The following LPIN2 variants were observed in gnomAD, a reference collection of about 807,000 sequenced individuals.
The protein encoded by LPIN2 is phosphatidate phosphatase LPIN2.
A neutral mutation model predicts 111.4 loss-of-function variants in LPIN2; 55 were observed. The observed-to-expected ratio is 0.49, with a 90% CI of 0.40 to 0.62. LPIN2 has a LOEUF of 0.62. LPIN2 is among the 20% of genes least tolerant of loss of function. The pLI is 0.00. For synonymous variants in LPIN2, 425 were observed against 414.0 expected, an observed-to-expected ratio of 1.03 and a Z score of -0.32; for missense variants, 992 against 1,112.1, an observed-to-expected ratio of 0.89 and a Z score of 1.54.
chr18:2,956,727 A>C (rs2077622245), intron 2 of LPIN2, among the ~76,000 whole-genome samples: 6 of 152,242 alleles, frequency 3.9e-5, no homozygotes, highest in Admixed American at 3.3e-4. Flanking sequence ...TTCAGACTCT[A>C]AACTATTCAT....
chr18:2,951,195 A>G lies in LPIN2; in HGVS notation c.450T>C (p.Ser150=). The G allele has an allele frequency of 6.2e-7, 1 of 1,614,116 alleles. No homozygotes were observed. Among genetic ancestry groups the G allele is most frequent in the Non-Finnish European group, 8.5e-7 (1 of 1,180,024 alleles). ...TCCTTCGTTTTTTCTTTTTCACAGAACTTGGAGTAAAAATTGTCTCTGTTT... is the reference window on the plus strand; with the variant it reads ...TCCTTCGTTTTTTCTTTTTCACAGAGCTTGGAGTAAAAATTGTCTCTGTTT... ...VLETETIFTP[S]SVKKKKRRRK... Residue 150 remains serine, a synonymous_variant, in exon 4 of 20, where the codon AGT becomes AGC. Transcript: ENST00000677752.
chr18:2,970,061 T>C (rs934772116), intron 1 of LPIN2, among the ~76,000 whole-genome samples: 2 of 152,162 alleles, frequency 1.3e-5, no homozygotes, highest in Non-Finnish European at 2.9e-5. Flanking sequence ...AACTCAGAAA[T>C]TCTGGCCTGG....
intron 1 of LPIN2, among the ~76,000 whole-genome samples, chr18:2,986,826 G>C (rs1265176396): frequency 3.3e-5 from 5 of 152,200 alleles, no homozygotes; most frequent in African/African-American, 7.2e-5. Context: ...AAGCTGAACA[G>C]CCTAATTTAG....
intron 10 of LPIN2, among the ~76,000 whole-genome samples, 193 bp from the exon 11 acceptor site, chr18:2,928,853 C>A (rs2077173714): frequency 6.6e-6 from 1 of 152,174 alleles, no homozygotes; most frequent in Non-Finnish European, 1.5e-5. Flanking sequence ...AACAGAGAAG[C>A]CGTAAAATCT....
rs779616214 is a variant in LPIN2, at chr18:2,951,087, G to A, written c.558C>T (p.Ser186=). ...CCTGGGCCCCCTTGTCATCATCGGA[G>A]CTCACGCCTACATCACATGTGTCTT... ...AAEDTCDVGV[S]SDDDKGAQAA... is the part of the protein sequence containing the mutation. Residue 186 remains serine, a synonymous_variant, in exon 4 of 20, where the codon AGC becomes AGT. Coordinates refer to ENST00000677752, the MANE Select transcript of LPIN2 (RefSeq NM_001375808.2). 3.7e-6 allele frequency: 6 copies of A among 1,614,072 alleles called. No individual in the cohort carries two copies. The East Asian group carries it at 8.9e-5, about 24-fold the overall frequency.
intron 1 of LPIN2, among the ~76,000 whole-genome samples, chr18:2,985,650 A>G (rs1292203681): frequency 6.6e-6 from 1 of 152,226 alleles, no homozygotes; most frequent in Non-Finnish European, 1.5e-5. Flanking sequence ...TCCCATAAGT[A>G]TGTAAGACTA....
intron 9 of LPIN2, among the ~76,000 whole-genome samples, chr18:2,930,740 T>A (rs1469288130): frequency 1.3e-5 from 2 of 152,250 alleles, no homozygotes; most frequent in Non-Finnish European, 2.9e-5. Flanking sequence ...AACTCCCTCC[T>A]GATTCCTGAG....
intron 7 of LPIN2, among the ~76,000 whole-genome samples, chr18:2,937,283 C>A (rs558960288): frequency 6.6e-6 from 1 of 152,148 alleles, no homozygotes; most frequent in East Asian, 1.9e-4. Context: ...GTGGCTCACA[C>A]CTGTAATCCC....
In LPIN2 at chr18:2,917,957, A is replaced by G. The variant is rs2144096979; in HGVS notation, c.*2336T>C. On this transcript the variant is annotated 3_prime_UTR_variant, in exon 20 of 20. Coordinates refer to ENST00000677752, the MANE Select transcript of LPIN2 (RefSeq NM_001375808.2). ...AAGGGTTTGTGTACAAACACACTCGAGGGCATCTCTTTCACAGAAAGAACA... is the reference window on the plus strand; with the variant it reads ...AAGGGTTTGTGTACAAACACACTCGGGGGCATCTCTTTCACAGAAAGAACA... 6.6e-6 allele frequency: 1 copy of G among 152,324 alleles called. No individual in the cohort carries two copies. Among genetic ancestry groups the G allele is most frequent in the South Asian group, 2.1e-4 (1 of 4,822 alleles). 9.4% of individuals were successfully genotyped at this position (152,324 alleles called of 1,614,324 possible). A position where few individuals can be genotyped will look rare whatever the true frequency, so the allele number is the denominator to read the frequency against.
intron 2 of LPIN2, among the ~76,000 whole-genome samples, chr18:2,959,940 C>CG: frequency 6.6e-6 from 1 of 152,038 alleles, no homozygotes; most frequent in East Asian, 1.9e-4. Context: ...AGGCCGAAGC[C>CG]GGTGGATCAC....
At chr18:2,921,755 G>GT in intron 17 of LPIN2, 108 bp from the exon 18 acceptor site, 1 of 841,648 alleles carries the variant, frequency 1.2e-6, no homozygotes, top group Non-Finnish European at 2.0e-6. Context: ...TCAACCCTTT[G>GT]TAACTGGAAT....
chr18:2,973,319 G>A (rs66796084), intron 1 of LPIN2, among the ~76,000 whole-genome samples: 6,734 of 152,224 alleles, frequency 0.044, 180 homozygotes, highest in Middle Eastern at 0.092. Context: ...CAATCAGACT[G>A]CTCTCCAAAA....
chr18:2,984,969 T>A (rs2078166997), intron 1 of LPIN2: 1 of 152,582 alleles, frequency 6.6e-6, no homozygotes, highest in African/African-American at 2.4e-5. Context: ...GGTAGAATTC[T>A]GTTCAGCAAC....
At position 2,931,300 on chromosome 18, in the gene LPIN2, AG is replaced by A; in HGVS notation, c.1411del (p.Leu471SerfsTer35). 1 of 1,614,142 alleles carries A rather than the reference AG, an allele frequency of 6.2e-7. No homozygotes were observed. The highest frequency in any genetic ancestry group is 8.5e-7 in the Non-Finnish European group (1 of 1,180,040). On this transcript the variant is annotated frameshift_variant, in exon 9 of 20. Transcript: ENST00000677752. LOFTEE classifies it high-confidence loss of function. ...TTCACTGAGGCCCCCGCAAAGGGAG[AG>A]GGTAACGTCAGGCAAGTCCATGGCA... ...DSAMDLPDVT[L>X]SLCGGLSENG...
At chr18:2,965,775 A>C (rs1054800813) in intron 1 of LPIN2, among the ~76,000 whole-genome samples, 3 of 151,104 alleles carry the variant, frequency 2.0e-5, no homozygotes, top group Non-Finnish European at 4.4e-5. Context: ...TTCAAATACC[A>C]ATCCCCCTCC....
chr18:2,990,155 C>T (rs1037754313), intron 1 of LPIN2, among the ~76,000 whole-genome samples: 1 of 152,090 alleles, frequency 6.6e-6, no homozygotes, highest in African/African-American at 2.4e-5. Flanking sequence ...CTACTTTACA[C>T]CATATTAAAA....
chr18:3,011,647 A>T (rs2078605686), intron 1 of LPIN2: 1 of 152,246 alleles, frequency 6.6e-6, no homozygotes, highest in Non-Finnish European at 1.5e-5. Context: ...AGATCGCGCA[A>T]CTACACTCCA....
intron 1 of LPIN2, among the ~76,000 whole-genome samples, chr18:2,979,333 TATGTA>T (rs2078071050): frequency 6.6e-6 from 1 of 152,126 alleles, no homozygotes; most frequent in African/African-American, 2.4e-5. Context: ...GTATGCTGAG[TATGTA>T]ATCAGGACCA....
chr18:2,975,571 T>C (rs1465203107), intron 1 of LPIN2, among the ~76,000 whole-genome samples: 1 of 152,194 alleles, frequency 6.6e-6, no homozygotes, highest in Non-Finnish European at 1.5e-5. Context: ...TCACCTCAGG[T>C]GATCCACCCA....
Sources: gnomAD v4.1 joint callset for allele counts (sites outside exome capture counted in the v4.1 genomes callset) on GRCh38, gnomAD v4.1.1 for gene constraint, MANE v1.5 for transcripts, NCBI Gene and HGNC (gene_info 2026-07-23, HGNC 2026-07-21) for gene names.